Variants in ITGB8 observed in about 807,000 individuals in gnomAD.
The protein encoded by ITGB8 is integrin beta-8.
A neutral mutation model predicts 89.5 loss-of-function variants in ITGB8; 30 were observed. The observed-to-expected ratio is 0.34, with a 90% CI of 0.25 to 0.45. The LOEUF (loss-of-function observed/expected upper bound fraction) is 0.45, where lower values mean the gene tolerates loss of function less well. Ranked by LOEUF, ITGB8 falls within the 20% of genes least tolerant of loss-of-function variation. The probability of loss-of-function intolerance (pLI) is 1.00; values close to 1 mark genes in which losing one functional copy is unlikely to be tolerated. For synonymous variants in ITGB8, 335 were observed against 320.4 expected, an observed-to-expected ratio of 1.05 and a Z score of -0.49; for missense variants, 836 against 933.3, an observed-to-expected ratio of 0.90 and a Z score of 1.36.
chr7:20,353,799 G>C (rs1785190914), intron 1 of ITGB8, among the ~76,000 whole-genome samples: 2 of 150,586 alleles, frequency 1.3e-5, no homozygotes, highest in African/African-American at 2.5e-5. Context: ...AGGCGTGGTG[G>C]CGCGCGCCTG....
chr7:20,361,328 T>C (rs112181161), intron 1 of ITGB8, among the ~76,000 whole-genome samples: 1 of 152,208 alleles, frequency 6.6e-6, no homozygotes, highest in Non-Finnish European at 1.5e-5. Context: ...AAATTAGGTC[T>C]GTGTCTTAGT....
chr7:20,379,413 A>G, intron 4 of ITGB8, 116 bp downstream of exon 4: 2 of 641,252 alleles, frequency 3.1e-6, no homozygotes, highest in Non-Finnish European at 4.5e-6. Flanking sequence ...AAATAAGAAT[A>G]AAAATATTTG....
chr7:20,392,788 A>G (rs1369525883), intron 7 of ITGB8, among the ~76,000 whole-genome samples: 1 of 152,172 alleles, frequency 6.6e-6, no homozygotes, highest in Non-Finnish European at 1.5e-5. Flanking sequence ...TCTGTGTCTG[A>G]CTTAGTGAAA....
intron 1 of ITGB8, among the ~76,000 whole-genome samples, chr7:20,334,450 G>A (rs16872502): frequency 0.024 from 3,698 of 151,962 alleles, 176 homozygotes; most frequent in African/African-American, 0.083. Flanking sequence ...TTAAAAAAGC[G>A]GTAACTATTA....
intron 8 of ITGB8, among the ~76,000 whole-genome samples, chr7:20,398,392 A>G (rs966952671): frequency 4.6e-5 from 7 of 152,146 alleles, no homozygotes; most frequent in African/African-American, 1.7e-4. Context: ...CGTTTTAGCT[A>G]TCATGATAGT....
At chr7:20,343,375 C>G (rs1181586384) in intron 1 of ITGB8, among the ~76,000 whole-genome samples, 1 of 152,220 alleles carries the variant, frequency 6.6e-6, no homozygotes, top group African/African-American at 2.4e-5. Context: ...GAAGTTTTCT[C>G]TGGCCCTCCC....
intron 1 of ITGB8, among the ~76,000 whole-genome samples, chr7:20,361,689 T>A (rs758740991): frequency 6.6e-5 from 10 of 152,214 alleles, no homozygotes; most frequent in Admixed American, 2.0e-4. Context: ...TGTCTACACC[T>A]AAATTGGTTT....
intron 1 of ITGB8, among the ~76,000 whole-genome samples, chr7:20,356,904 T>A (rs1160704808): frequency 6.6e-6 from 1 of 152,168 alleles, no homozygotes; most frequent in Non-Finnish European, 1.5e-5. Context: ...TGCTGGTCCA[T>A]TTTTTCCCCT....
At chr7:20,385,066 G>T (rs1786552110) in intron 6 of ITGB8, among the ~76,000 whole-genome samples, 1 of 152,158 alleles carries the variant, frequency 6.6e-6, no homozygotes, top group East Asian at 1.9e-4. Flanking sequence ...AATACTGAGG[G>T]TTTGGAATTT....
intron 1 of ITGB8, among the ~76,000 whole-genome samples, chr7:20,362,033 G>A (rs1403788179): frequency 1.3e-5 from 2 of 152,148 alleles, no homozygotes; most frequent in East Asian, 3.8e-4. Context: ...GATGTTTCCT[G>A]CTTACTCCAT....
chr7:20,398,576 C>A (rs1220389223), intron 8 of ITGB8, among the ~76,000 whole-genome samples: 3 of 152,096 alleles, frequency 2.0e-5, no homozygotes, highest in Admixed American at 2.0e-4. Flanking sequence ...GTTTTGTTAA[C>A]AGACTGATAA....
In ITGB8 at chr7:20,357,812, G is replaced by A. The variant is rs10235353; in HGVS notation, c.128-5825G>A. ...TCACACCTGTTGTCAACAGTTGTAA[G>A]ACAATGAGAAAATATAAGACACACA... On this transcript the variant is annotated intron_variant, in intron 1 of 13. Coordinates refer to ENST00000222573, the MANE Select transcript of ITGB8 (RefSeq NM_002214.3). Among the ~76,000 whole-genome samples, 1,181 of 152,266 alleles carry A rather than the reference G, an allele frequency of 7.8e-3. 21 individuals are homozygous for A. Among genetic ancestry groups the A allele is most frequent in the African/African-American group, 0.026 (1,097 of 41,530 alleles).
intron 1 of ITGB8, among the ~76,000 whole-genome samples, chr7:20,332,327 G>A (rs1333861005): frequency 1.3e-5 from 2 of 152,154 alleles, no homozygotes; most frequent in Non-Finnish European, 2.9e-5. Context: ...GGACTAACTT[G>A]CCTTTAACTC....
At position 20,401,921 on chromosome 7, in the gene ITGB8, TGATGAG is replaced by T. The variant is rs1787329666; in HGVS notation, c.1483_1488del (p.Asp495_Glu496del). On this transcript the variant is annotated inframe_deletion, in exon 10 of 14. Coordinates refer to ENST00000222573, the MANE Select transcript of ITGB8 (RefSeq NM_002214.3). Reference sequence around the variant, plus strand: ...TTCTAGATTCCAAGTGTTTCCAGTGTGATGAGAATAAATGTCATTTTGATGAAGATC... The same window carrying T: ...TTCTAGATTCCAAGTGTTTCCAGTGTAATAAATGTCATTTTGATGAAGATC... The T allele has an allele frequency of 6.2e-7, 1 of 1,614,130 alleles. No homozygotes were observed. Among genetic ancestry groups the T allele is most frequent in the East Asian group, 2.2e-5 (1 of 44,872 alleles).
chr7:20,398,513 G>A (rs113216066), intron 8 of ITGB8, among the ~76,000 whole-genome samples: 64 of 152,204 alleles, frequency 4.2e-4, no homozygotes, highest in Middle Eastern at 3.4e-3. Flanking sequence ...GTGTTCTCAA[G>A]GTTTAATTAC....
chr7:20,367,269 G>A, intron 3 of ITGB8, 83 bp downstream of exon 3: 1 of 1,023,296 alleles, frequency 9.8e-7, no homozygotes, highest in Non-Finnish European at 1.5e-6. Flanking sequence ...TTAATATTAT[G>A]TGGCAGGCAG....
chr7:20,343,521 C>T (rs1784829679), intron 1 of ITGB8, among the ~76,000 whole-genome samples: 1 of 152,090 alleles, frequency 6.6e-6, no homozygotes, highest in Non-Finnish European at 1.5e-5. Context: ...CAAGCAGGTG[C>T]CCTATCCCTA....
intron 10 of ITGB8, among the ~76,000 whole-genome samples, chr7:20,402,853 A>G (rs1410098741): frequency 6.6e-6 from 1 of 152,252 alleles, no homozygotes; most frequent in Non-Finnish European, 1.5e-5. Flanking sequence ...AATCTAATCA[A>G]CATTAGCAAA....
intron 1 of ITGB8, chr7:20,346,863 G>T: frequency 2.0e-6 from 2 of 985,196 alleles, no homozygotes; most frequent in Non-Finnish European, 2.4e-6. Flanking sequence ...GGAGTTAATG[G>T]CAGGTAGATT....
Sources: allele counts gnomAD v4.1 joint callset (sites outside exome capture counted in the v4.1 genomes callset), GRCh38; gene constraint gnomAD v4.1.1; transcripts MANE v1.5; gene names NCBI Gene and HGNC (gene_info 2026-07-23, HGNC 2026-07-21).